The following RANBP2 variants were observed in gnomAD, a reference collection of about 807,000 sequenced individuals.
RANBP2 encodes RAN binding protein 2.
RANBP2 carries 57 observed loss-of-function variants against 303.6 expected under a neutral mutation model. That is an observed-to-expected ratio of 0.19 (90% CI 0.15 to 0.23). The LOEUF is 0.23. Among genes scored for constraint, RANBP2 ranks in the 10% least tolerant of loss-of-function variants. The pLI is 1.00. For synonymous variants in RANBP2, 1,167 were observed against 1,301.5 expected (o/e 0.90, Z 2.23); for missense variants, 3,138 against 3,780.8 (o/e 0.83, Z 4.46).
At chr2:109,019,742 T>C in the RANBP2 span, among the ~76,000 whole-genome samples, 6 of 152,210 alleles carry the variant, frequency 3.9e-5, no homozygotes, top group East Asian at 1.9e-4. Context: ...TGTCCATCTG[T>C]CTATCCATCC....
At chr2:108,910,389 C>T in the RANBP2 span, 2 of 1,300,222 alleles carry the variant, frequency 1.5e-6, no homozygotes, top group Non-Finnish European at 1.1e-6. Context: ...CTCGGCTGCA[C>T]CCTGGTTCCC....
At chr2:109,077,517 A>G in the RANBP2 span, among the ~76,000 whole-genome samples, 3 of 141,398 alleles carry the variant, frequency 2.1e-5, no homozygotes, top group South Asian at 6.6e-4. Context: ...AATGAAATGA[A>G]AAAGCAACCA....
the RANBP2 span, among the ~76,000 whole-genome samples, chr2:109,136,262 G>T: frequency 6.6e-6 from 1 of 152,032 alleles, no homozygotes; most frequent in Non-Finnish European, 1.5e-5. Flanking sequence ...CATTTGCTGG[G>T]GGAAATGCTC....
chr2:109,132,653 T>C, the RANBP2 span, among the ~76,000 whole-genome samples: 1 of 152,242 alleles, frequency 6.6e-6, no homozygotes, highest in Non-Finnish European at 1.5e-5. Context: ...TCTTAAAGTG[T>C]GTTCATATGT....
the RANBP2 span, among the ~76,000 whole-genome samples, chr2:109,595,978 A>G: frequency 6.6e-6 from 1 of 152,184 alleles, no homozygotes; most frequent in Non-Finnish European, 1.5e-5. Context: ...CACAACACAT[A>G]TAATTCACTG....
At chr2:109,103,579 A>G in the RANBP2 span, among the ~76,000 whole-genome samples, 1 of 152,164 alleles carries the variant, frequency 6.6e-6, no homozygotes, top group African/African-American at 2.4e-5. Context: ...GCAGAAAGAA[A>G]TGCTTGGGGT....
the RANBP2 span, among the ~76,000 whole-genome samples, chr2:109,701,418 A>G: frequency 6.6e-6 from 1 of 152,120 alleles, no homozygotes; most frequent in Non-Finnish European, 1.5e-5. Context: ...TACATGAGAC[A>G]TCAATCAGTA....
At chr2:108,887,011 C>A in the RANBP2 span, among the ~76,000 whole-genome samples, 1 of 152,014 alleles carries the variant, frequency 6.6e-6, no homozygotes, top group Non-Finnish European at 1.5e-5. Context: ...TTTATAGTTT[C>A]ATGTCCTATG....
the RANBP2 span, among the ~76,000 whole-genome samples, chr2:109,059,096 C>T: frequency 4.0e-5 from 6 of 151,876 alleles, no homozygotes; most frequent in East Asian, 1.9e-4. Context: ...CGTTCCAAAG[C>T]GGGGGTGGGG....
the RANBP2 span, among the ~76,000 whole-genome samples, chr2:108,842,126 C>T: frequency 1.3e-5 from 2 of 151,888 alleles, no homozygotes; most frequent in Non-Finnish European, 2.9e-5. Flanking sequence ...CTCCTGGGCT[C>T]AAGCAATCCT....
chr2:108,855,778 CTTA>C, the RANBP2 span, among the ~76,000 whole-genome samples: 1 of 152,048 alleles, frequency 6.6e-6, no homozygotes, highest in Non-Finnish European at 1.5e-5. Flanking sequence ...TTTTAAATTA[CTTA>C]TTATGTAAGC....
At chr2:109,305,519 C>G in the RANBP2 span, among the ~76,000 whole-genome samples, 255 of 152,280 alleles carry the variant, frequency 1.7e-3, no homozygotes, top group African/African-American at 5.6e-3. Context: ...ACTTCCCACT[C>G]TGGGCGCAGA....
the RANBP2 span, among the ~76,000 whole-genome samples, chr2:109,214,410 C>T: frequency 1.3e-5 from 2 of 150,990 alleles, no homozygotes; most frequent in Admixed American, 1.3e-4. Flanking sequence ...TGTAACAAAC[C>T]TGCACACTGT....
chr2:108,742,528 T>C (rs1346665459), intron 7 of RANBP2, among the ~76,000 whole-genome samples: 1 of 151,936 alleles, frequency 6.6e-6, no homozygotes, highest in African/African-American at 2.4e-5. Flanking sequence ...ATGGTCTCGA[T>C]CTTCTGACCT....
chr2:109,302,167 G>T, the RANBP2 span, among the ~76,000 whole-genome samples: 1 of 152,334 alleles, frequency 6.6e-6, no homozygotes, highest in Admixed American at 6.5e-5. Context: ...GATCTGCAAA[G>T]CTGGCGTTGG....
chr2:108,801,072 A>G, the RANBP2 span, among the ~76,000 whole-genome samples: 1 of 42,452 alleles, frequency 2.4e-5, no homozygotes, highest in African/African-American at 7.1e-5. Context: ...ATTGTGAATA[A>G]TGCCACAATA....
chr2:108,934,517 C>T, the RANBP2 span, among the ~76,000 whole-genome samples: 1 of 152,208 alleles, frequency 6.6e-6, no homozygotes, highest in South Asian at 2.1e-4. Context: ...CTGTCTTAGT[C>T]TGCTTTGTGC....
At chr2:109,737,768 T>C in the RANBP2 span, among the ~76,000 whole-genome samples, 5 of 152,172 alleles carry the variant, frequency 3.3e-5, no homozygotes, top group African/African-American at 1.2e-4. Flanking sequence ...GTAATAGCTA[T>C]CTTAACTGGG....
chr2:109,526,703 A>C, the RANBP2 span, among the ~76,000 whole-genome samples: 1 of 152,144 alleles, frequency 6.6e-6, no homozygotes, highest in Admixed American at 6.6e-5. Context: ...GCACTCTGGC[A>C]CAGGGGGCTC....
Sources: allele counts gnomAD v4.1 joint callset (sites outside exome capture counted in the v4.1 genomes callset), GRCh38; gene constraint gnomAD v4.1.1; transcripts MANE v1.5; gene names NCBI Gene and HGNC (gene_info 2026-07-23, HGNC 2026-07-21).